LDB2: variants seen among roughly 807,000 people sequenced by gnomAD.
LDB2 encodes the protein LIM domain-binding protein 2.
LDB2 carries 12 observed loss-of-function variants against 44.3 expected under a neutral mutation model. The observed-to-expected ratio is 0.27, with a 90% CI of 0.17 to 0.44. The LOEUF (loss-of-function observed/expected upper bound fraction) is 0.44, where lower values mean the gene tolerates loss of function less well. LDB2 is among the 20% of genes least tolerant of loss of function. LDB2 has a pLI of 1.00. For missense variants in LDB2, 344 were observed against 473.5 expected (o/e 0.73, Z 2.54); for synonymous variants, 164 against 174.8 (o/e 0.94, Z 0.49).
At chr4:16,743,762 G>A (rs1234614046) in intron 2 of LDB2, among the ~76,000 whole-genome samples, 1 of 152,030 alleles carries the variant, frequency 6.6e-6, no homozygotes, top group Non-Finnish European at 1.5e-5. Flanking sequence ...CTGCCAACAA[G>A]CCTCAGCCCC....
intron 2 of LDB2, among the ~76,000 whole-genome samples, chr4:16,692,066 T>G (rs141658633): frequency 6.6e-6 from 1 of 152,274 alleles, no homozygotes; most frequent in East Asian, 1.9e-4. Flanking sequence ...AGTACAGTAT[T>G]GAATTATCAT....
intron 3 of LDB2, among the ~76,000 whole-genome samples, chr4:16,593,219 C>A (rs1719730015): frequency 6.6e-6 from 1 of 152,076 alleles, no homozygotes; most frequent in Admixed American, 6.6e-5. Context: ...TTATTGATAG[C>A]CTAAATTAGA....
chr4:16,735,442 G>C (rs1021838551), intron 2 of LDB2, among the ~76,000 whole-genome samples: 4 of 152,106 alleles, frequency 2.6e-5, no homozygotes, highest in African/African-American at 9.7e-5. Flanking sequence ...ACATTTTAAT[G>C]TGTAGTTAGT....
At position 16,702,324 on chromosome 4, in the gene LDB2, G is replaced by C. The variant is rs566060969; in HGVS notation, c.235+56834C>G. ...GGAAAGTTCTCTTATGGTTGTCAAC[G>C]TATTTCCTAAGAAGGACCCATGAAA... On this transcript the variant is annotated intron_variant, in intron 2 of 7. Coordinates refer to ENST00000304523, the MANE Select transcript of LDB2 (RefSeq NM_001290.5). Among the ~76,000 whole-genome samples, 4 of 152,254 alleles carry C rather than the reference G, an allele frequency of 2.6e-5. No individual in the cohort carries two copies. The East Asian group carries it at 5.8e-4, about 22-fold the overall frequency.
chr4:16,707,896 G>A (rs1251319150), intron 2 of LDB2, among the ~76,000 whole-genome samples: 3 of 152,132 alleles, frequency 2.0e-5, no homozygotes, highest in Admixed American at 6.6e-5. Flanking sequence ...AGGCCCATGC[G>A]ACTCACAGCT....
chr4:16,734,703 CTTTTTTT>C (rs539507998), intron 2 of LDB2, among the ~76,000 whole-genome samples: 30,975 of 129,176 alleles, frequency 0.24, 3,904 homozygotes, highest in Non-Finnish European at 0.32. Context: ...TTCTTGTTTT[CTTTTTTT>C]TTTTTTTTTT....
chr4:16,832,556 A>G (rs1407861886), intron 1 of LDB2, among the ~76,000 whole-genome samples: 1 of 152,254 alleles, frequency 6.6e-6, no homozygotes, highest in Non-Finnish European at 1.5e-5. Context: ...TGAATTTGGT[A>G]TATTCTAAGC....
At chr4:16,643,470 C>A (rs1735787207) in intron 2 of LDB2, among the ~76,000 whole-genome samples, 1 of 152,084 alleles carries the variant, frequency 6.6e-6, no homozygotes, top group South Asian at 2.1e-4. Flanking sequence ...CAAAATAAGG[C>A]CTAAATGTTC....
chr4:16,626,758 T>A (rs1189272241), intron 2 of LDB2: 3 of 152,176 alleles, frequency 2.0e-5, no homozygotes, highest in Non-Finnish European at 4.4e-5. Context: ...ACTGATTAGA[T>A]ATGGTAACAT....
At chr4:16,597,060 C>T (rs1433072880) in intron 2 of LDB2, among the ~76,000 whole-genome samples, 2 of 152,118 alleles carry the variant, frequency 1.3e-5, no homozygotes, top group Admixed American at 6.6e-5. Flanking sequence ...ATCACCCAAT[C>T]GTCACTTGAA....
intron 1 of LDB2, among the ~76,000 whole-genome samples, chr4:16,795,710 G>C (rs1776606812): frequency 1.3e-5 from 2 of 152,064 alleles, no homozygotes; most frequent in Non-Finnish European, 2.9e-5. Flanking sequence ...TCTTTCACTA[G>C]ACTCCGAATC....
At chr4:16,816,268 A>G (rs1449511794) in intron 1 of LDB2, among the ~76,000 whole-genome samples, 1 of 152,148 alleles carries the variant, frequency 6.6e-6, no homozygotes, top group African/African-American at 2.4e-5. Flanking sequence ...GTATGTGTGG[A>G]TATCCATGGT....
chr4:16,508,424 A>G, intron 7 of LDB2, 111 bp downstream of exon 7: 1 of 1,085,212 alleles, frequency 9.2e-7, no homozygotes, highest in Non-Finnish European at 1.2e-6. Flanking sequence ...CCCACCTCCA[A>G]CCTGCCCAGG....
intron 2 of LDB2, among the ~76,000 whole-genome samples, chr4:16,699,071 T>C (rs1267948068): frequency 1.3e-5 from 2 of 152,206 alleles, no homozygotes; most frequent in Non-Finnish European, 2.9e-5. Context: ...TTTTTACCCA[T>C]TTGTTCAAAT....
At chr4:16,509,763 A>C (rs1178361056) in intron 6 of LDB2, among the ~76,000 whole-genome samples, 3 of 152,166 alleles carry the variant, frequency 2.0e-5, no homozygotes, top group Non-Finnish European at 2.9e-5. Context: ...TGTGATGGAG[A>C]GAAGGCAACT....
At chr4:16,882,780 T>A (rs762955033) in intron 1 of LDB2, among the ~76,000 whole-genome samples, 1 of 152,186 alleles carries the variant, frequency 6.6e-6, no homozygotes, top group Admixed American at 6.5e-5. Context: ...TAAATCACCA[T>A]CCCAGCAAGC....
intron 2 of LDB2, among the ~76,000 whole-genome samples, chr4:16,686,058 A>G (rs1398611680): frequency 1.3e-5 from 2 of 152,172 alleles, no homozygotes; most frequent in East Asian, 1.9e-4. Flanking sequence ...TCTAAAAAAA[A>G]AGGCAAAAGT....
At chr4:16,817,968 C>T (rs533505245) in intron 1 of LDB2, among the ~76,000 whole-genome samples, 1 of 152,038 alleles carries the variant, frequency 6.6e-6, no homozygotes, top group Admixed American at 6.6e-5. Flanking sequence ...CAATTATATT[C>T]CTAAATTTTA....
chr4:16,745,022 A>C (rs1436424435), intron 2 of LDB2, among the ~76,000 whole-genome samples: 4 of 152,254 alleles, frequency 2.6e-5, no homozygotes, highest in African/African-American at 9.6e-5. Context: ...TATACAGATC[A>C]AAATGGTGAG....
Sources: allele counts gnomAD v4.1 joint callset (sites outside exome capture counted in the v4.1 genomes callset), GRCh38; gene constraint gnomAD v4.1.1; transcripts MANE v1.5; gene names NCBI Gene and HGNC (gene_info 2026-07-23, HGNC 2026-07-21).